ATP8B4: variants seen among roughly 807,000 people sequenced by gnomAD.
ATP8B4 encodes probable phospholipid-transporting ATPase IM.
ATP8B4 carries 133 observed loss-of-function variants against 145.6 expected under a neutral mutation model. The observed-to-expected ratio is 0.91, with a 90% CI of 0.79 to 1.05. ATP8B4 has a LOEUF of 1.05. ATP8B4 is among the 50% of genes least tolerant of loss of function. ATP8B4 has a pLI of 0.00. For missense variants in ATP8B4, 1,458 were observed against 1,425.2 expected (o/e 1.02, Z -0.37); for synonymous variants, 507 against 492.9 (o/e 1.03, Z -0.38).
intron 7 of ATP8B4, among the ~76,000 whole-genome samples, chr15:50,005,402 G>T: frequency 6.6e-6 from 1 of 152,130 alleles, no homozygotes; most frequent in Non-Finnish European, 1.5e-5. Context: ...CCCTAAAGCT[G>T]TACAATTCTT....
chr15:50,000,466 C>T (rs1383801691), intron 8 of ATP8B4, among the ~76,000 whole-genome samples: 1 of 152,136 alleles, frequency 6.6e-6, no homozygotes, highest in African/African-American at 2.4e-5. Context: ...AGCATCTTTT[C>T]ATGTGCTTAT....
At chr15:50,151,829 A>G (rs989914781) in intron 1 of ATP8B4, among the ~76,000 whole-genome samples, 5 of 151,926 alleles carry the variant, frequency 3.3e-5, no homozygotes, top group Admixed American at 2.6e-4. Flanking sequence ...ACTTATGAAC[A>G]GTTTCCAAAT....
intron 3 of ATP8B4, among the ~76,000 whole-genome samples, chr15:50,054,765 C>A (rs1290906542): frequency 8.5e-6 from 1 of 117,382 alleles, no homozygotes; most frequent in Non-Finnish European, 1.6e-5. Context: ...GCCTGGGCGA[C>A]AGAGGGAGAC....
rs1385788659 is a variant in ATP8B4 at position 50,018,590 on chromosome 15, G to A, written c.363-7673C>T. Among the ~76,000 whole-genome samples the A allele has an allele frequency of 3.9e-5, 6 of 152,318 alleles. 1 individual carries two copies. The South Asian group carries it at 1.2e-3, about 32-fold the overall frequency. ...ACCTGCACTTCAGAATGACCTCAGTGTTAGATTGTTTGCCATATAGCTGTC... is the reference window on the plus strand; with the variant it reads ...ACCTGCACTTCAGAATGACCTCAGTATTAGATTGTTTGCCATATAGCTGTC... On this transcript the variant is annotated intron_variant, in intron 6 of 27. Transcript: ENST00000284509.
rs760301191 is a variant in ATP8B4 at position 50,038,837 on chromosome 15, A to T, written c.301-8T>A. 6.2e-7 allele frequency: 1 copy of T among 1,612,984 alleles called. No homozygotes were observed. The highest frequency in any genetic ancestry group is 1.1e-5 in the South Asian group (1 of 91,026). ...ATCACTCTTGTGGCGAAACTGAAAA[A>T]TCAAAGTGTTTGTGAGAAAACACAT... On this transcript the variant is annotated splice_region_variant and splice_polypyrimidine_tract_variant and intron_variant, in intron 5 of 27. Coordinates refer to ENST00000284509, the MANE Select transcript of ATP8B4 (RefSeq NM_024837.4).
At chr15:50,125,662 A>G (rs370844162) in intron 1 of ATP8B4, among the ~76,000 whole-genome samples, 39 of 151,942 alleles carry the variant, frequency 2.6e-4, no homozygotes, top group African/African-American at 9.2e-4. Flanking sequence ...CAGTCATGTG[A>G]CCCCCAAACC....
chr15:49,896,914 C>A, intron 23 of ATP8B4: 1 of 187,566 alleles, frequency 5.3e-6, no homozygotes. Flanking sequence ...GATAAGAAAC[C>A]ATCTTCCCAG....
chr15:50,029,555 A>T (rs2050282405), intron 6 of ATP8B4, among the ~76,000 whole-genome samples: 1 of 152,132 alleles, frequency 6.6e-6, no homozygotes, highest in Non-Finnish European at 1.5e-5. Flanking sequence ...TTACCTCAAG[A>T]TCTTTAATTT....
intron 14 of ATP8B4, among the ~76,000 whole-genome samples, chr15:49,948,920 AG>A (rs2042818968): frequency 6.6e-6 from 1 of 151,998 alleles, no homozygotes; most frequent in Non-Finnish European, 1.5e-5. Context: ...TCTGCTGAAT[AG>A]AAGATCCTTT....
intron 19 of ATP8B4, 174 bp from the exon 20 acceptor site, chr15:49,917,213 TG>T (rs1236503783): frequency 1.8e-6 from 1 of 555,694 alleles, no homozygotes; most frequent in East Asian, 3.0e-5. Context: ...TTCAAAGACC[TG>T]GGTTTCAGGA....
chr15:50,006,458 C>T (rs1488876674), intron 7 of ATP8B4, among the ~76,000 whole-genome samples: 3 of 112,560 alleles, frequency 2.7e-5, no homozygotes, highest in Non-Finnish European at 5.1e-5. Context: ...AGTTATAAAA[C>T]TTAAAAGAGC....
chr15:50,110,018 T>C (rs1331443245), intron 1 of ATP8B4, among the ~76,000 whole-genome samples: 3 of 152,212 alleles, frequency 2.0e-5, no homozygotes, highest in African/African-American at 4.8e-5. Context: ...ATTTCTCCAA[T>C]ACCATCTTCC....
intron 9 of ATP8B4, among the ~76,000 whole-genome samples, chr15:49,991,836 C>T (rs1327360928): frequency 1.3e-5 from 2 of 152,112 alleles, no homozygotes; most frequent in Non-Finnish European, 2.9e-5. Flanking sequence ...TGACCTCATC[C>T]TTGTGCTGGA....
At chr15:50,049,018 G>A (rs992727821) in intron 3 of ATP8B4, among the ~76,000 whole-genome samples, 1 of 152,110 alleles carries the variant, frequency 6.6e-6, no homozygotes, top group Non-Finnish European at 1.5e-5. Context: ...CTTGAGACAG[G>A]GGCAGTAATT....
At chr15:50,015,586 C>T (rs943738241) in intron 6 of ATP8B4, among the ~76,000 whole-genome samples, 15 of 152,204 alleles carry the variant, frequency 9.9e-5, no homozygotes, top group African/African-American at 3.4e-4. Flanking sequence ...CAACAGTGCA[C>T]ACTCCCAGCA....
chr15:49,978,794 A>G (rs2045905063), intron 12 of ATP8B4, among the ~76,000 whole-genome samples: 2 of 139,052 alleles, frequency 1.4e-5, no homozygotes, highest in Admixed American at 7.2e-5. Flanking sequence ...ACATGCATAC[A>G]TATGTATATA....
chr15:49,913,077 G>C (rs953171664), intron 20 of ATP8B4, among the ~76,000 whole-genome samples: 14 of 151,200 alleles, frequency 9.3e-5, no homozygotes, highest in African/African-American at 2.9e-4. Context: ...GCTGCAGTGA[G>C]CTACGATTGC....
At chr15:50,070,160 T>C (rs2053634136) in intron 3 of ATP8B4, among the ~76,000 whole-genome samples, 2 of 152,190 alleles carry the variant, frequency 1.3e-5, no homozygotes, top group Non-Finnish European at 2.9e-5. Context: ...CTATCTTTAT[T>C]AATTATTATT....
chr15:50,045,474 C>A (rs1402934462), intron 4 of ATP8B4, among the ~76,000 whole-genome samples: 1 of 152,076 alleles, frequency 6.6e-6, no homozygotes, highest in Admixed American at 6.5e-5. Flanking sequence ...AAATGGGATT[C>A]ATTTGAAAAT....
Sources: allele counts gnomAD v4.1 joint callset (sites outside exome capture counted in the v4.1 genomes callset), GRCh38; gene constraint gnomAD v4.1.1; transcripts MANE v1.5; gene names NCBI Gene and HGNC (gene_info 2026-07-23, HGNC 2026-07-21).